The following ZP3 variants were observed in gnomAD, a reference collection of about 807,000 sequenced individuals.
ZP3 encodes zona pellucida glycoprotein 3.
ZP3 carries 21 observed loss-of-function variants against 35.6 expected under a neutral mutation model. That is an observed-to-expected ratio of 0.59 (90% CI 0.42 to 0.85). ZP3 has a LOEUF of 0.85. ZP3 is among the 40% of genes least tolerant of loss of function. ZP3 has a pLI of 0.00. For missense variants in ZP3, 437 were observed against 536.5 expected, an observed-to-expected ratio of 0.81 and a Z score of 1.83; for synonymous variants, 207 against 214.5, an observed-to-expected ratio of 0.96 and a Z score of 0.31.
chr7:76,398,133 C>T (rs1804700699), intron 1 of ZP3, among the ~76,000 whole-genome samples: 1 of 152,106 alleles, frequency 6.6e-6, no homozygotes, highest in Non-Finnish European at 1.5e-5. Flanking sequence ...TCCAGGAAGC[C>T]TTCCCTGATC....
At chr7:76,403,024 A>G (rs1804879844) in intron 1 of ZP3, among the ~76,000 whole-genome samples, 1 of 152,222 alleles carries the variant, frequency 6.6e-6, no homozygotes, top group Non-Finnish European at 1.5e-5. Flanking sequence ...TAAGTTAGGC[A>G]GGATTTTACA....
chr7:76,425,258 G>C lies in ZP3; in HGVS notation c.294G>C (p.Glu98Asp). 6.2e-7 allele frequency: 1 copy of C among 1,608,808 alleles called. No individual in the cohort carries two copies. Among genetic ancestry groups the C allele is most frequent in the Non-Finnish European group, 8.5e-7 (1 of 1,176,762 alleles). The change falls in exon 1 of 8, where the codon GAG becomes GAC. Residue 98 changes from glutamate (E) to aspartate (D), a missense_variant. By Grantham distance (45) the Glu-to-Asp change is conservative. This residue lies in a region of ZP3 where 352 missense variants were observed against 308.4 expected (regional missense o/e 1.14). Transcript: ENST00000394857. ...DVVRFEVGLH[E>D]CGNSMQVTDD... ...TCAGGTTTGAGGTTGGACTCCACGA[G>C]TGTGGCAACAGCATGCAGGTAAGAG...
chr7:76,425,581 A>C (rs1805626936), intron 1 of ZP3, among the ~76,000 whole-genome samples: 1 of 151,822 alleles, frequency 6.6e-6, no homozygotes, highest in Non-Finnish European at 1.5e-5. Context: ...GCGTGATAGG[A>C]TAGCCCTGTG....
At chr7:76,423,021 G>GAC (rs760922020), upstream of ZP3, among the ~76,000 whole-genome samples, 2 of 72,832 alleles carry the variant, frequency 2.7e-5, no homozygotes, top group South Asian at 1.1e-3. Context: ...GAGAGAGAGA[G>GAC]AGAGAGAAAG....
At chr7:76,418,283 C>T (rs1035009055) in intron 1 of ZP3, among the ~76,000 whole-genome samples, 10 of 151,872 alleles carry the variant, frequency 6.6e-5, no homozygotes, top group African/African-American at 1.7e-4. Context: ...TCCATAAAGT[C>T]CTTAAGATGG....
chr7:76,440,804 A>G (rs1806175312), intron 7 of ZP3, among the ~76,000 whole-genome samples, 193 bp downstream of exon 7: 1 of 144,684 alleles, frequency 6.9e-6, no homozygotes, highest in Non-Finnish European at 1.6e-5. Context: ...CCTCGGTGGC[A>G]GCCAGGGAGA....
chr7:76,427,175 CA>C (rs1411680906), intron 1 of ZP3, among the ~76,000 whole-genome samples: 1 of 152,166 alleles, frequency 6.6e-6, no homozygotes, highest in African/African-American at 2.4e-5. Flanking sequence ...GCAAAGCCTG[CA>C]AACTCCTTCC....
chr7:76,405,096 A>G (rs1055386051), intron 1 of ZP3, among the ~76,000 whole-genome samples: 4 of 149,898 alleles, frequency 2.7e-5, no homozygotes, highest in African/African-American at 9.8e-5. Flanking sequence ...AATTTTAAAA[A>G]TACAAAAATT....
At chr7:76,414,972 G>A (rs554958866) in intron 1 of ZP3, among the ~76,000 whole-genome samples, 1 of 148,458 alleles carries the variant, frequency 6.7e-6, no homozygotes, top group African/African-American at 2.5e-5. Flanking sequence ...TTATTTCAAT[G>A]AGTATTACCA....
intron 1 of ZP3, among the ~76,000 whole-genome samples, chr7:76,426,710 GTTGT>G (rs1805665337): frequency 6.6e-6 from 1 of 151,904 alleles, no homozygotes; most frequent in South Asian, 2.1e-4. Flanking sequence ...TTTTTTTGTT[GTTGT>G]TTTTGTTTTT....
At chr7:76,432,814 T>C in intron 2 of ZP3, 113 bp from the exon 3 acceptor site, 1 of 824,310 alleles carries the variant, frequency 1.2e-6, no homozygotes. Context: ...GCTACCTGGC[T>C]GGGCCATAGC....
intron 1 of ZP3, among the ~76,000 whole-genome samples, chr7:76,426,506 C>T (rs540561063): frequency 6.6e-6 from 1 of 151,812 alleles, no homozygotes; most frequent in South Asian, 2.1e-4. Context: ...ACTGTGGTCT[C>T]CTGGGCTCTC....
chr7:76,416,264 CA>C, intron 1 of ZP3, among the ~76,000 whole-genome samples: 1 of 150,236 alleles, frequency 6.7e-6, no homozygotes, highest in African/African-American at 2.4e-5. Context: ...TCTGGCTCTA[CA>C]AAAAAATACA....
chr7:76,408,617 G>A (rs1584037882), intron 1 of ZP3, among the ~76,000 whole-genome samples: 1 of 152,082 alleles, frequency 6.6e-6, no homozygotes. Flanking sequence ...AGGCGTGAGG[G>A]AGAAGGACCC....
chr7:76,404,114 C>A (rs957808509), intron 1 of ZP3, among the ~76,000 whole-genome samples: 5 of 152,128 alleles, frequency 3.3e-5, no homozygotes, highest in Middle Eastern at 3.2e-3. Context: ...GTTTACCTGT[C>A]ACCTCCAGTA....
chr7:76,427,288 G>A (rs551056340), intron 1 of ZP3, among the ~76,000 whole-genome samples: 70 of 152,038 alleles, frequency 4.6e-4, no homozygotes, highest in Non-Finnish European at 8.2e-4. Flanking sequence ...AGGCCGAGGC[G>A]GGTGAATCAC....
intron 1 of ZP3, among the ~76,000 whole-genome samples, chr7:76,427,342 T>C (rs1805699126): frequency 2.0e-5 from 3 of 151,800 alleles, no homozygotes; most frequent in Non-Finnish European, 4.4e-5. Flanking sequence ...TGGTGAAACC[T>C]CATCTCTACT....
intron 5 of ZP3, among the ~76,000 whole-genome samples, chr7:76,439,429 G>C (rs757306422): frequency 0.033 from 4,800 of 147,222 alleles, no homozygotes; most frequent in African/African-American, 0.12. Context: ...GGACTGGCCA[G>C]GCACGGATAG....
At chr7:76,433,775 T>A in intron 4 of ZP3, 128 bp downstream of exon 4, 1 of 1,132,328 alleles carries the variant, frequency 8.8e-7, no homozygotes, top group Non-Finnish European at 1.3e-6. Context: ...CTCTGCCCTC[T>A]GCAACCTCTG....
Sources: allele counts gnomAD v4.1 joint callset (sites outside exome capture counted in the v4.1 genomes callset), GRCh38; gene constraint gnomAD v4.1.1; regional missense constraint gnomAD v4.1.1; transcripts MANE v1.5; gene names NCBI Gene and HGNC (gene_info 2026-07-23, HGNC 2026-07-21).